IFT57: variants seen among roughly 807,000 people sequenced by gnomAD.
The protein encoded by IFT57 is intraflagellar transport 57, also known as intraflagellar transport protein 57 homolog.
IFT57 carries 59 observed loss-of-function variants against 56.8 expected under a neutral mutation model. The ratio of observed to expected loss-of-function variants is 1.04; its 90% CI spans 0.84 to 1.29. The LOEUF is 1.29. Ranked by LOEUF, IFT57 falls within the 50% of genes most tolerant of loss-of-function variation. The pLI is 0.00. For missense variants in IFT57, 470 were observed against 522.1 expected, an observed-to-expected ratio of 0.90 and a Z score of 0.97; for synonymous variants, 209 against 186.1, an observed-to-expected ratio of 1.12 and a Z score of -1.00.
At chr3:108,198,792 T>C (rs1449536755) in intron 5 of IFT57, among the ~76,000 whole-genome samples, 1 of 152,148 alleles carries the variant, frequency 6.6e-6, no homozygotes. Context: ...GTGATCCATG[T>C]GGAGTTAATT....
intron 6 of IFT57, among the ~76,000 whole-genome samples, chr3:108,168,902 G>A (rs2080076875): frequency 6.6e-6 from 1 of 151,952 alleles, no homozygotes; most frequent in Non-Finnish European, 1.5e-5. Context: ...CATTGATGGG[G>A]ATTTGGATTG....
chr3:108,196,105 C>T (rs1257866687), intron 5 of IFT57, among the ~76,000 whole-genome samples: 1 of 151,620 alleles, frequency 6.6e-6, no homozygotes, highest in Non-Finnish European at 1.5e-5. Flanking sequence ...TCACATACAC[C>T]CCATAAATAT....
chr3:108,209,916 A>ATGTG (rs35248776), intron 4 of IFT57, among the ~76,000 whole-genome samples: 7,158 of 149,868 alleles, frequency 0.048, 219 homozygotes, highest in East Asian at 0.11. Flanking sequence ...CTTTTTCTAT[A>ATGTG]TGTGTGTGTG....
intron 6 of IFT57, 36 bp from the exon 7 acceptor site, chr3:108,167,900 ATAC>A (rs759212770): frequency 5.5e-6 from 8 of 1,442,056 alleles, no homozygotes; most frequent in South Asian, 2.6e-5. Context: ...AATGTAAAAA[ATAC>A]TACATTTCCA....
chr3:108,213,657 G>A (rs2080355209), intron 4 of IFT57: 1 of 271,830 alleles, frequency 3.7e-6, no homozygotes, highest in Admixed American at 5.0e-5. Context: ...ATCATGAATG[G>A]TTAATAAAGT....
rs553037390 is a variant in IFT57, at chr3:108,206,654, C to T, written c.628G>A (p.Val210Ile). The change falls in exon 5 of 11, where the codon GTT becomes ATT. Residue 210 changes from valine to isoleucine, a missense_variant. By Grantham distance (29) the Val-to-Ile change is conservative. Coordinates refer to ENST00000264538, the MANE Select transcript of IFT57 (RefSeq NM_018010.4). ...DNEENFIDLN[V>I]LKAQTYHLDM... ...AAGTGATATGTCTGGGCCTTTAAAA[C>T]GTTGAGATCAATAAAGTTTTCTTCA... The T allele has an allele frequency of 7.2e-6, 10 of 1,398,132 alleles. No individual in the cohort carries two copies. The highest frequency in any genetic ancestry group is 1.9e-4 in the Middle Eastern group (1 of 5,338). 86.6% of individuals were successfully genotyped at this position (1,398,132 alleles called of 1,614,324 possible).
intron 10 of IFT57, among the ~76,000 whole-genome samples, chr3:108,163,142 C>T (rs1434063486): frequency 6.6e-6 from 1 of 152,066 alleles, no homozygotes; most frequent in Non-Finnish European, 1.5e-5. Context: ...AAGCCTTCGG[C>T]AATCACTACT....
rs1227791771 is a variant in IFT57, at chr3:108,222,281, T to C, written c.42A>G (p.Glu14=). 1.7e-5 allele frequency: 27 copies of C among 1,613,834 alleles called. No homozygotes were observed. Among genetic ancestry groups the C allele is most frequent in the Non-Finnish European group, 2.1e-5 (25 of 1,179,954 alleles). The change falls in exon 1 of 11, where the codon GAA becomes GAG. Residue 14 remains glutamate, a synonymous_variant. Transcript: ENST00000264538. ...ALAVVTTSGL[E]DGVPRSRGEG... ...CGCCACGGGACCTAGGCACCCCATC[T>C]TCCAAACCCGACGTCGTGACGACGG...
chr3:108,173,241 A>G lies in IFT57; in HGVS notation c.778-5377T>C, dbSNP rs1014778927. ...ACTCAGTGATACACTGTTTGGGGAT[A>G]CAAACATATGCAAACACACACACAC... On this transcript the variant is annotated intron_variant, in intron 6 of 10. Transcript: ENST00000264538. 4.2e-4 allele frequency among the ~76,000 whole-genome samples: 64 copies of G among 151,214 alleles called. 1 individual carries two copies. The highest frequency in any genetic ancestry group is 1.2e-4 in the Non-Finnish European group (8 of 67,634).
intron 5 of IFT57, among the ~76,000 whole-genome samples, chr3:108,205,758 TATATA>T (rs1478408158): frequency 7.0e-6 from 1 of 143,602 alleles, no homozygotes; most frequent in Non-Finnish European, 1.5e-5. Context: ...TATAACATAT[TATATA>T]ATATATAAAA....
intron 6 of IFT57, among the ~76,000 whole-genome samples, chr3:108,182,895 AT>A (rs1161044570): frequency 6.6e-6 from 1 of 152,156 alleles, no homozygotes. Flanking sequence ...AGTAAGAAAC[AT>A]TTAATTATAA....
chr3:108,170,679 AC>A (rs35605590), intron 6 of IFT57, among the ~76,000 whole-genome samples: 7 of 150,762 alleles, frequency 4.6e-5, no homozygotes, highest in African/African-American at 1.7e-4. Context: ...AAAAAAAAAA[AC>A]CCCATACAGC....
At chr3:108,167,710 T>A in intron 7 of IFT57, 83 bp downstream of exon 7, 1 of 970,254 alleles carries the variant, frequency 1.0e-6, no homozygotes, top group Admixed American at 2.8e-5. Flanking sequence ...AAATTGTGTC[T>A]TTTTATTCTT....
intron 5 of IFT57, among the ~76,000 whole-genome samples, chr3:108,205,525 C>A (rs1448272794): frequency 6.6e-6 from 1 of 150,962 alleles, no homozygotes; most frequent in Non-Finnish European, 1.5e-5. Context: ...ATTAATAATA[C>A]TAAGGCAGTA....
At chr3:108,213,764 T>A (rs1180180214) in intron 4 of IFT57, 167 bp downstream of exon 4, 1 of 530,500 alleles carries the variant, frequency 1.9e-6, no homozygotes, top group East Asian at 2.9e-5. Context: ...AAACATTAAC[T>A]TAACCAAAGG....
chr3:108,164,158 A>C (rs1240721846), intron 9 of IFT57, among the ~76,000 whole-genome samples: 1 of 152,032 alleles, frequency 6.6e-6, no homozygotes, highest in African/African-American at 2.4e-5. Context: ...TAGTTCTATA[A>C]GACATTATGT....
In IFT57 at chr3:108,167,783, A is replaced by G. The variant is rs776981594; in HGVS notation, c.849+10T>C. ...AATGTACATTGATTCACGTAAAGTA[A>G]TTCATATACCTTGGTCTCCTTTAGA... On this transcript the variant is annotated intron_variant, in intron 7 of 10. Coordinates refer to ENST00000264538, the MANE Select transcript of IFT57 (RefSeq NM_018010.4). 44 of 1,529,992 alleles carry G rather than the reference A, an allele frequency of 2.9e-5. No homozygotes were observed. The East Asian group carries it at 5.7e-4, about 20-fold the overall frequency. The allele number at this position is 1,529,992 out of a possible 1,614,324, so 94.8% of individuals were successfully genotyped here.
At chr3:108,216,113 A>G (rs939825507) in intron 3 of IFT57, among the ~76,000 whole-genome samples, 5 of 152,188 alleles carry the variant, frequency 3.3e-5, no homozygotes, top group African/African-American at 1.2e-4. Flanking sequence ...ACAGGCAACA[A>G]AAGCAAAAAT....
intron 1 of IFT57, 92 bp from the exon 2 acceptor site, chr3:108,219,664 A>G (rs1328929242): frequency 7.5e-7 from 1 of 1,326,456 alleles, no homozygotes; most frequent in Non-Finnish European, 1.1e-6. Context: ...ATTGTCCAAC[A>G]ATCTTTCTTC....
Sources: allele counts gnomAD v4.1 joint callset (sites outside exome capture counted in the v4.1 genomes callset), GRCh38; gene constraint gnomAD v4.1.1; transcripts MANE v1.5; gene names NCBI Gene and HGNC (gene_info 2026-07-23, HGNC 2026-07-21).